KIAA1217: variants seen among roughly 807,000 people sequenced by gnomAD.
KIAA1217 encodes the protein KIAA1217.
Under a neutral mutation model 163.9 loss-of-function variants are expected in KIAA1217, and 88 were observed. The observed-to-expected ratio is 0.54, with a 90% CI of 0.45 to 0.64. KIAA1217 has a LOEUF of 0.64. KIAA1217 is among the 30% of genes least tolerant of loss of function. The pLI, the probability that KIAA1217 is intolerant of heterozygous loss-of-function variation, is 0.00. For missense variants in KIAA1217, 2,372 were observed against 2,475.0 expected (o/e 0.96, Z 0.88); for synonymous variants, 903 against 923.1 (o/e 0.98, Z 0.39).
chr10:24,045,520 T>C (rs1418330389), intron 2 of KIAA1217, among the ~76,000 whole-genome samples: 3 of 152,094 alleles, frequency 2.0e-5, no homozygotes, highest in Non-Finnish European at 4.4e-5. Context: ...TACTCATCTT[T>C]CCCTTATATT....
At chr10:24,442,910 G>T (rs1194168839) in intron 5 of KIAA1217, among the ~76,000 whole-genome samples, 2 of 127,774 alleles carry the variant, frequency 1.6e-5, no homozygotes, top group Non-Finnish European at 1.7e-5. Context: ...ACTTTTGTGG[G>T]ATTTTTTTTT....
Position 24,507,114 on chromosome 10 carries a change from A to C in KIAA1217, c.2001+5569A>C, listed in dbSNP as rs116277875. Reference sequence around the variant, plus strand: ...GGACTGTGCCTCAGTCTTAGGACTAAACTAGCCCCAGAGGAAAGACTACCC... The same window carrying C: ...GGACTGTGCCTCAGTCTTAGGACTACACTAGCCCCAGAGGAAAGACTACCC... On this transcript the variant is annotated intron_variant, in intron 9 of 20. Transcript: ENST00000376454. Among the ~76,000 whole-genome samples the C allele has an allele frequency of 7.9e-4, 121 of 152,312 alleles. 1 individual carries two copies. The highest frequency in any genetic ancestry group is 2.6e-3 in the African/African-American group (109 of 41,570).
chr10:23,922,306 C>G (rs886411240), intron 1 of KIAA1217, among the ~76,000 whole-genome samples: 44 of 152,170 alleles, frequency 2.9e-4, no homozygotes, highest in African/African-American at 1.0e-3. Context: ...CTCCATACCT[C>G]CTCATCTGAC....
chr10:24,367,231 G>T (rs141486891), intron 2 of KIAA1217: 5 of 858,512 alleles, frequency 5.8e-6, no homozygotes, highest in Non-Finnish European at 1.4e-6. Context: ...TTTCTGCATC[G>T]AGTTGCACCC....
intron 1 of KIAA1217, among the ~76,000 whole-genome samples, chr10:23,828,424 C>T (rs1838007289): frequency 6.6e-6 from 1 of 152,020 alleles, no homozygotes; most frequent in African/African-American, 2.4e-5. Context: ...TTCAGACACT[C>T]TAGGAGGTCA....
chr10:23,785,974 A>G (rs1400526066), intron 1 of KIAA1217, among the ~76,000 whole-genome samples: 1 of 152,178 alleles, frequency 6.6e-6, no homozygotes, highest in African/African-American at 2.4e-5. Flanking sequence ...AGACAAGTAA[A>G]GTATTCACAC....
At chr10:23,859,215 A>G (rs1485130260) in intron 1 of KIAA1217, among the ~76,000 whole-genome samples, 1 of 152,106 alleles carries the variant, frequency 6.6e-6, no homozygotes, top group African/African-American at 2.4e-5. Flanking sequence ...TTTGTTATGG[A>G]CCTAAAGCCT....
At chr10:24,402,267 G>A (rs144702685) in intron 3 of KIAA1217, among the ~76,000 whole-genome samples, 1 of 152,136 alleles carries the variant, frequency 6.6e-6, no homozygotes, top group African/African-American at 2.4e-5. Context: ...AGCACTTTGG[G>A]AGGCCAAGGC....
chr10:24,117,114 C>A (rs1026681364), intron 2 of KIAA1217, among the ~76,000 whole-genome samples: 2 of 151,804 alleles, frequency 1.3e-5, no homozygotes, highest in African/African-American at 2.4e-5. Flanking sequence ...CTCGGCTCAC[C>A]GCAACCTCCA....
At chr10:23,862,767 A>G (rs1338856033) in intron 1 of KIAA1217, among the ~76,000 whole-genome samples, 1 of 152,042 alleles carries the variant, frequency 6.6e-6, no homozygotes, top group Non-Finnish European at 1.5e-5. Context: ...TAAGGATTTT[A>G]TTTTGTTCTG....
At chr10:23,772,762 A>T (rs990204698) in intron 1 of KIAA1217, among the ~76,000 whole-genome samples, 2 of 152,218 alleles carry the variant, frequency 1.3e-5, no homozygotes, top group African/African-American at 2.4e-5. Flanking sequence ...ATCCTATTGG[A>T]TAATTAAGAA....
rs114663989 is a variant in KIAA1217 at position 24,277,010 on chromosome 10, C to T, written c.354+57101C>T. Among the ~76,000 whole-genome samples, 695 of 152,296 alleles carry T rather than the reference C, an allele frequency of 4.6e-3. 8 individuals are homozygous for T. Among genetic ancestry groups the T allele is most frequent in the African/African-American group, 0.015 (619 of 41,568 alleles). On this transcript the variant is annotated intron_variant, in intron 2 of 20. Coordinates refer to ENST00000376454, the MANE Select transcript of KIAA1217 (RefSeq NM_019590.5). Reference sequence around the variant, plus strand: ...CTGACCTCAAGCAATCCTCCCACCTCGGCCTCCCAAAGCTCTATGATTATA... The same window carrying T: ...CTGACCTCAAGCAATCCTCCCACCTTGGCCTCCCAAAGCTCTATGATTATA...
chr10:23,805,996 CAAAAAAAAAAAAAAAAAAA>C lies in KIAA1217; in HGVS notation c.-321+110772_-321+110790del, dbSNP rs71397917. Among the ~76,000 whole-genome samples the C allele has an allele frequency of 1.6e-4, 5 of 30,502 alleles. No individual in the cohort carries two copies. The South Asian group carries it at 0.014, about 83-fold the overall frequency. 20.0% of individuals were successfully genotyped at this position (30,502 alleles called of 152,430 possible). On this transcript the variant is annotated intron_variant, in intron 1 of 18. Transcript: ENST00000376462. ...GGGCAACAAGAGCAAAACTCCATCTCAAAAAAAAAAAAAAAAAAAAAAAAAAAAGAAAAGAAAGAAAAAG... is the reference window on the plus strand; with the variant it reads ...GGGCAACAAGAGCAAAACTCCATCTCAAAAAAAAAGAAAAGAAAGAAAAAG...
chr10:24,301,142 C>T (rs11014010), intron 2 of KIAA1217, among the ~76,000 whole-genome samples: 15,539 of 152,094 alleles, frequency 0.1, 1,251 homozygotes, highest in East Asian at 0.23. Flanking sequence ...TACTTTTGAG[C>T]CCGGCAATCT....
At chr10:24,436,752 C>T (rs148845023) in intron 4 of KIAA1217, among the ~76,000 whole-genome samples, 4,088 of 96,454 alleles carry the variant, frequency 0.042, 227 homozygotes, top group African/African-American at 0.17. Context: ...AGTGAGACTC[C>T]GTCTCAAAAA....
chr10:23,855,903 T>A (rs957960954), intron 1 of KIAA1217, among the ~76,000 whole-genome samples: 11 of 152,186 alleles, frequency 7.2e-5, no homozygotes, highest in Non-Finnish European at 1.5e-5. Flanking sequence ...ATTCTAGTTA[T>A]ACATTTGTCT....
intron 1 of KIAA1217, among the ~76,000 whole-genome samples, chr10:23,728,214 G>A (rs562265338): frequency 1.9e-4 from 29 of 152,216 alleles, no homozygotes; most frequent in Admixed American, 5.9e-4. Context: ...GGTATTTTTC[G>A]TTCTAGATCC....
Position 24,351,654 on chromosome 10 carries a change from A to T in KIAA1217, c.355-29215A>T, listed in dbSNP as rs142429066. The stretch of plus-strand genomic sequence containing the variant: ...TTGCACCCGTTTTTTTCGTTTATGG[A>T]CCCCATTTCCTGCATCTTAGCAAAA... On this transcript the variant is annotated intron_variant, in intron 2 of 20. Transcript: ENST00000376454. Among the ~76,000 whole-genome samples, 3 of 152,162 alleles carry T rather than the reference A, an allele frequency of 2.0e-5. No homozygotes were observed. In the East Asian group the frequency reaches 5.8e-4, roughly 29 times the overall value.
intron 4 of KIAA1217, among the ~76,000 whole-genome samples, chr10:24,437,130 G>A (rs894260345): frequency 2.6e-5 from 4 of 152,110 alleles, no homozygotes; most frequent in African/African-American, 9.7e-5. Context: ...CATGGCTCCC[G>A]TGAGGTTTTC....
Sources: gnomAD v4.1 joint callset for allele counts (sites outside exome capture counted in the v4.1 genomes callset) on GRCh38, gnomAD v4.1.1 for gene constraint, MANE v1.5 for transcripts, NCBI Gene and HGNC (gene_info 2026-07-23, HGNC 2026-07-21) for gene names.